RAD51B: variants seen among roughly 807,000 people sequenced by gnomAD.
The protein encoded by RAD51B is RAD51 paralog B.
In RAD51B, 38 loss-of-function variants were observed where a neutral mutation model predicts 42.2. The ratio of observed to expected loss-of-function variants is 0.90; its 90% CI spans 0.70 to 1.18. The LOEUF is 1.18. RAD51B is among the 50% of genes most tolerant of loss of function. The pLI is 0.00. For missense variants in RAD51B, 373 were observed against 400.7 expected, an observed-to-expected ratio of 0.93 and a Z score of 0.59; for synonymous variants, 154 against 145.2, an observed-to-expected ratio of 1.06 and a Z score of -0.43.
At chr14:68,354,083 A>G (rs533178507) in intron 8 of RAD51B, among the ~76,000 whole-genome samples, 3 of 152,362 alleles carry the variant, frequency 2.0e-5, no homozygotes, top group Admixed American at 2.0e-4. Context: ...GATTACTTGT[A>G]AAGTAGTAAA....
rs2043287313 is a variant in RAD51B at position 67,893,490 on chromosome 14, ACACACACACACAC to A, written c.756+6287_756+6299del. On this transcript the variant is annotated intron_variant, in intron 7 of 10. Coordinates refer to ENST00000471583, the MANE Select transcript of RAD51B (RefSeq NM_133510.4). Reference sequence around the variant, plus strand: ...CAGACACACACACACACACACACACACACACACACACACACACACAAAAAAAAACAATTAGCTG... The same window carrying A: ...CAGACACACACACACACACACACACAACACACAAAAAAAAACAATTAGCTG... Among the ~76,000 whole-genome samples, 2 of 76,442 alleles carry A rather than the reference ACACACACACACAC, an allele frequency of 2.6e-5. 1 individual carries two copies. Among genetic ancestry groups the A allele is most frequent in the African/African-American group, 1.4e-4 (2 of 14,308 alleles). 50.1% of individuals were successfully genotyped at this position (76,442 alleles called of 152,430 possible).
At chr14:68,371,971 G>T (rs2083274206) in intron 8 of RAD51B, among the ~76,000 whole-genome samples, 1 of 152,260 alleles carries the variant, frequency 6.6e-6, no homozygotes, top group Non-Finnish European at 1.5e-5. Flanking sequence ...ATATGGCAGA[G>T]ATTGATCCTG....
chr14:67,944,055 G>A (rs1447309454), intron 7 of RAD51B, among the ~76,000 whole-genome samples: 2 of 152,062 alleles, frequency 1.3e-5, no homozygotes, highest in East Asian at 3.8e-4. Context: ...AGTAGATGGC[G>A]CTGTAGGACT....
chr14:68,489,304 T>G (rs1397091442), intron 10 of RAD51B, among the ~76,000 whole-genome samples: 1 of 152,188 alleles, frequency 6.6e-6, no homozygotes, highest in Non-Finnish European at 1.5e-5. Context: ...CTTGTGAGTT[T>G]AGGCTCATGA....
chr14:68,636,213 C>G (rs1892336241), intron 10 of RAD51B, among the ~76,000 whole-genome samples: 1 of 152,210 alleles, frequency 6.6e-6, no homozygotes, highest in Non-Finnish European at 1.5e-5. Context: ...AGTAGACACC[C>G]TCTGATTCCA....
At chr14:68,311,174 G>C (rs946352842) in intron 8 of RAD51B, among the ~76,000 whole-genome samples, 6 of 152,174 alleles carry the variant, frequency 3.9e-5, no homozygotes, top group African/African-American at 1.4e-4. Context: ...AAGAAAATGA[G>C]ACTTACTAAA....
At chr14:68,397,401 C>T (rs929023146) in intron 8 of RAD51B, among the ~76,000 whole-genome samples, 2 of 152,238 alleles carry the variant, frequency 1.3e-5, no homozygotes, top group African/African-American at 2.4e-5. Flanking sequence ...TTCATGAGCT[C>T]CCTCTCCCGC....
At chr14:68,495,355 G>A (rs578134198) in intron 10 of RAD51B, among the ~76,000 whole-genome samples, 14 of 152,134 alleles carry the variant, frequency 9.2e-5, no homozygotes, top group Middle Eastern at 3.4e-3. Flanking sequence ...GGATTCCTCC[G>A]AGCCCCTTTG....
At chr14:67,974,748 CTT>C (rs1414209233) in intron 7 of RAD51B, among the ~76,000 whole-genome samples, 1 of 152,094 alleles carries the variant, frequency 6.6e-6, no homozygotes, top group Admixed American at 6.6e-5. Flanking sequence ...GTTGTGTACA[CTT>C]TTTCCCTACT....
chr14:68,541,831 C>T, intron 10 of RAD51B: 1 of 984,498 alleles, frequency 1.0e-6, no homozygotes, highest in Non-Finnish European at 1.2e-6. Context: ...TTTTACAAGG[C>T]AGCCTGTGAG....
chr14:68,311,336 T>C (rs1000540820), intron 8 of RAD51B, among the ~76,000 whole-genome samples: 91 of 152,276 alleles, frequency 6.0e-4, no homozygotes, highest in African/African-American at 2.1e-3. Context: ...TTTCAGGAAA[T>C]CTGGCCACCG....
intron 7 of RAD51B, 123 bp from the exon 8 acceptor site, chr14:68,291,760 AC>A: frequency 3.0e-6 from 2 of 673,594 alleles, no homozygotes; most frequent in African/African-American, 3.5e-5. Context: ...GGGTTTTGCT[AC>A]CTGTGTATTT....
At chr14:68,390,977 C>A (rs901738478) in intron 8 of RAD51B, among the ~76,000 whole-genome samples, 4 of 152,172 alleles carry the variant, frequency 2.6e-5, no homozygotes, top group African/African-American at 9.7e-5. Flanking sequence ...TCTTTCCCAA[C>A]TTGGGATTGC....
intron 7 of RAD51B, among the ~76,000 whole-genome samples, chr14:68,024,196 T>C (rs1029991424): frequency 6.6e-6 from 1 of 152,192 alleles, no homozygotes; most frequent in African/African-American, 2.4e-5. Context: ...GCTGTATTGA[T>C]CTATGTGTTT....
intron 10 of RAD51B, among the ~76,000 whole-genome samples, chr14:68,649,675 C>T (rs944962577): frequency 1.3e-5 from 2 of 152,298 alleles, no homozygotes; most frequent in East Asian, 1.9e-4. Context: ...GTCAAGTGCC[C>T]ACCCTTGGTC....
At chr14:68,031,935 C>T (rs1252670719) in intron 7 of RAD51B, among the ~76,000 whole-genome samples, 2 of 152,182 alleles carry the variant, frequency 1.3e-5, no homozygotes, top group African/African-American at 4.8e-5. Flanking sequence ...GTTCCATCCA[C>T]ATTCACCTTA....
chr14:68,644,222 A>G (rs767126743), intron 10 of RAD51B, among the ~76,000 whole-genome samples: 5 of 152,252 alleles, frequency 3.3e-5, no homozygotes, highest in Admixed American at 6.5e-5. Context: ...CTTCTAATTC[A>G]TACAATGAGC....
rs529109520 is a variant in RAD51B at position 68,114,630 on chromosome 14, G to T, written c.757-177254G>T. The stretch of plus-strand genomic sequence containing the variant: ...CTTATTATCAAAAGTGGCCTAAATA[G>T]TTATCAACTTATGTTTCATTGTCAT... On this transcript the variant is annotated intron_variant, in intron 7 of 10. Transcript: ENST00000471583. 8.0e-4 allele frequency among the ~76,000 whole-genome samples: 121 copies of T among 152,136 alleles called. 1 individual carries two copies. Among genetic ancestry groups the T allele is most frequent in the African/African-American group, 2.9e-3 (120 of 41,530 alleles).
intron 8 of RAD51B, among the ~76,000 whole-genome samples, chr14:68,394,701 G>A (rs1456258236): frequency 6.6e-6 from 1 of 152,164 alleles, no homozygotes; most frequent in Non-Finnish European, 1.5e-5. Context: ...CCCAGACAGG[G>A]CTCCCCCAGT....
Sources: gnomAD v4.1 joint callset for allele counts (sites outside exome capture counted in the v4.1 genomes callset) on GRCh38, gnomAD v4.1.1 for gene constraint, MANE v1.5 for transcripts, NCBI Gene and HGNC (gene_info 2026-07-23, HGNC 2026-07-21) for gene names.